The following NDUFA5 variants were observed in gnomAD, a reference collection of about 807,000 sequenced individuals.
The protein encoded by NDUFA5 is NADH:ubiquinone oxidoreductase subunit A5.
Under a neutral mutation model 19.8 loss-of-function variants are expected in NDUFA5, and 11 were observed. The observed-to-expected ratio is 0.56, with a 90% CI of 0.35 to 0.92. NDUFA5 has a LOEUF of 0.92. Ranked by LOEUF, NDUFA5 falls within the 40% of genes least tolerant of loss-of-function variation. NDUFA5 has a pLI of 0.01. For missense variants in NDUFA5, 109 were observed against 134.2 expected (o/e 0.81, Z 0.93); for synonymous variants, 47 against 46.8 (o/e 1.00, Z -0.01).
chr7:123,597,059 T>C, the NDUFA5 span, among the ~76,000 whole-genome samples: 1 of 152,218 alleles, frequency 6.6e-6, no homozygotes. Context: ...CAATAATCCC[T>C]CTTACACACG....
chr7:123,542,917 A>G (rs1460728957), intron 4 of NDUFA5, among the ~76,000 whole-genome samples: 2 of 152,204 alleles, frequency 1.3e-5, no homozygotes, highest in Admixed American at 1.3e-4. Flanking sequence ...TTTTTCTACA[A>G]CAAACAATAT....
At chr7:123,575,866 A>G in the NDUFA5 span, among the ~76,000 whole-genome samples, 9 of 140,968 alleles carry the variant, frequency 6.4e-5, no homozygotes, top group Non-Finnish European at 1.4e-4. Flanking sequence ...ATGTCTCCAT[A>G]TCAAATTTTT....
chr7:123,552,636 T>TAAAAAAAA (rs774901648), intron 2 of NDUFA5, among the ~76,000 whole-genome samples: 15 of 67,382 alleles, frequency 2.2e-4, no homozygotes, highest in African/African-American at 4.9e-4. Context: ...AAAGTATAAC[T>TAAAAAAAA]AAAAAAAAAA....
At chr7:123,556,693 G>A (rs1318551376) in intron 2 of NDUFA5, 4 of 384,866 alleles carry the variant, frequency 1.0e-5, no homozygotes, top group Non-Finnish European at 2.0e-5. Context: ...GATAACTGGT[G>A]AACTTGAAAA....
intron 3 of NDUFA5, 35 bp from the exon 4 acceptor site, chr7:123,545,711 A>T: frequency 7.0e-7 from 1 of 1,419,658 alleles, no homozygotes; most frequent in Non-Finnish European, 9.9e-7. Flanking sequence ...TTAAAGAAGC[A>T]TACTAACTGA....
intron 3 of NDUFA5, among the ~76,000 whole-genome samples, chr7:123,548,882 G>T (rs1694478278): frequency 6.6e-6 from 1 of 151,898 alleles, no homozygotes; most frequent in East Asian, 1.9e-4. Flanking sequence ...CTCAGGATCT[G>T]CATCTGTGGA....
the NDUFA5 span, among the ~76,000 whole-genome samples, chr7:123,592,085 G>GCA: frequency 6.6e-6 from 1 of 152,140 alleles, no homozygotes; most frequent in African/African-American, 2.4e-5. Flanking sequence ...GTTTATTTCT[G>GCA]TAGAGGTGTT....
chr7:123,561,688 C>T (rs564944767), upstream of NDUFA5, among the ~76,000 whole-genome samples: 2 of 152,230 alleles, frequency 1.3e-5, no homozygotes, highest in African/African-American at 4.8e-5. Context: ...ACCTCTGCTG[C>T]CCCAGTTCAA....
At chr7:123,550,162 G>T in intron 3 of NDUFA5, 1 of 200,786 alleles carries the variant, frequency 5.0e-6, no homozygotes, top group African/African-American at 2.4e-5. Context: ...GATCAAGATT[G>T]ATATATCCAA....
At chr7:123,576,302 G>T in the NDUFA5 span, among the ~76,000 whole-genome samples, 3 of 151,310 alleles carry the variant, frequency 2.0e-5, no homozygotes, top group Admixed American at 2.0e-4. Flanking sequence ...TTTTGCATTT[G>T]TACTTTTTAC....
the NDUFA5 span, among the ~76,000 whole-genome samples, chr7:123,582,320 G>A: frequency 1.1e-4 from 16 of 151,878 alleles, no homozygotes; most frequent in Admixed American, 2.0e-4. Context: ...GAGTGCTTCA[G>A]AATGTTAAGA....
At chr7:123,566,338 G>A in the NDUFA5 span, among the ~76,000 whole-genome samples, 1 of 152,142 alleles carries the variant, frequency 6.6e-6, no homozygotes, top group Non-Finnish European at 1.5e-5. Flanking sequence ...CTCTATATTG[G>A]ACCTCTAGCC....
the NDUFA5 span, among the ~76,000 whole-genome samples, chr7:123,585,209 A>G: frequency 6.6e-6 from 1 of 151,760 alleles, no homozygotes; most frequent in African/African-American, 2.4e-5. Context: ...ATTTTGTACC[A>G]ATCCCCCTCT....
chr7:123,559,905 C>T (rs1415732944), upstream of NDUFA5, among the ~76,000 whole-genome samples: 1 of 148,948 alleles, frequency 6.7e-6, no homozygotes, highest in African/African-American at 2.5e-5. Context: ...AAACTTCAGG[C>T]CAATATCCCT....
the NDUFA5 span, among the ~76,000 whole-genome samples, chr7:123,572,332 G>A: frequency 6.6e-6 from 1 of 151,438 alleles, no homozygotes; most frequent in East Asian, 1.9e-4. Context: ...AGTAGAGACA[G>A]GTTTCACCAT....
chr7:123,568,532 A>G, the NDUFA5 span, among the ~76,000 whole-genome samples: 721 of 152,042 alleles, frequency 4.7e-3, 2 homozygotes, highest in Non-Finnish European at 6.7e-3. Context: ...AAGAAAAAAA[A>G]AAAAAAAGAA....
chr7:123,553,832 T>C (rs867706909), intron 2 of NDUFA5, among the ~76,000 whole-genome samples: 1 of 152,166 alleles, frequency 6.6e-6, no homozygotes, highest in African/African-American at 2.4e-5. Context: ...TAAGTTTCAC[T>C]AAGTATTAGC....
chr7:123,598,486 T>G, the NDUFA5 span, among the ~76,000 whole-genome samples: 1 of 152,160 alleles, frequency 6.6e-6, no homozygotes, highest in Non-Finnish European at 1.5e-5. Context: ...GAAAATTAAG[T>G]ACTTTGTTCG....
the NDUFA5 span, among the ~76,000 whole-genome samples, chr7:123,600,359 G>T: frequency 8.4e-4 from 127 of 152,072 alleles, no homozygotes; most frequent in African/African-American, 2.8e-3. Flanking sequence ...TTATATAAAC[G>T]GATAAAACAG....
Sources: gnomAD v4.1 joint callset for allele counts (sites outside exome capture counted in the v4.1 genomes callset) on GRCh38, gnomAD v4.1.1 for gene constraint, MANE v1.5 for transcripts, NCBI Gene and HGNC (gene_info 2026-07-23, HGNC 2026-07-21) for gene names.